GSTCD: variants seen among roughly 807,000 people sequenced by gnomAD.
GSTCD encodes the protein glutathione S-transferase C-terminal domain containing.
GSTCD carries 44 observed loss-of-function variants against 68.3 expected under a neutral mutation model. The ratio of observed to expected loss-of-function variants is 0.64; its 90% confidence interval spans 0.51 to 0.83. The LOEUF (loss-of-function observed/expected upper bound fraction) is 0.83, where lower values mean the gene tolerates loss of function less well. GSTCD is among the 40% of genes least tolerant of loss of function. The pLI, the probability that GSTCD is intolerant of heterozygous loss-of-function variation, is 0.00. For synonymous variants in GSTCD, 273 were observed against 255.2 expected (o/e 1.07, Z -0.67); for missense variants, 739 against 735.9 (o/e 1.00, Z -0.05).
intron 5 of GSTCD, among the ~76,000 whole-genome samples, chr4:105,758,034 A>G (rs1258455888): frequency 6.6e-6 from 1 of 152,200 alleles, no homozygotes; most frequent in Admixed American, 6.5e-5. Flanking sequence ...GAATTCAGCT[A>G]CTTCACATGG....
At chr4:105,832,643 A>T (rs1470677878) in intron 8 of GSTCD, among the ~76,000 whole-genome samples, 1 of 152,126 alleles carries the variant, frequency 6.6e-6, no homozygotes, top group African/African-American at 2.4e-5. Context: ...GCAAGTTCTT[A>T]ATTTCCCAAG....
intron 5 of GSTCD, among the ~76,000 whole-genome samples, chr4:105,804,362 G>A (rs1228168597): frequency 6.6e-6 from 1 of 151,996 alleles, no homozygotes; most frequent in African/African-American, 2.4e-5. Flanking sequence ...CTAAATTATA[G>A]TATGTCTTCT....
chr4:105,810,786 T>G (rs946744572), intron 5 of GSTCD, among the ~76,000 whole-genome samples: 2 of 152,148 alleles, frequency 1.3e-5, no homozygotes, highest in Non-Finnish European at 2.9e-5. Context: ...TGCCTTTTAT[T>G]CCTTTATGTT....
rs1235541386 is a variant in GSTCD at position 105,744,861 on chromosome 4, A to T, written c.1240+15362A>T. Reference sequence around the variant, plus strand: ...ACTGTTACAGCTTCTAGGTCATCTCAGTAGGGACCTGTATGTATAGATCTA... The same window carrying T: ...ACTGTTACAGCTTCTAGGTCATCTCTGTAGGGACCTGTATGTATAGATCTA... On this transcript the variant is annotated intron_variant, in intron 5 of 11. Transcript: ENST00000515279. Among the ~76,000 whole-genome samples, 3 of 139,256 alleles carry T rather than the reference A, an allele frequency of 2.2e-5. No individual in the cohort carries two copies. The South Asian group carries it at 8.5e-4, about 39-fold the overall frequency. The allele number at this position is 139,256 out of a possible 152,430, so 91.4% of individuals were successfully genotyped here.
intron 5 of GSTCD, among the ~76,000 whole-genome samples, chr4:105,788,042 TAC>T (rs1735530077): frequency 6.6e-6 from 1 of 152,092 alleles, no homozygotes; most frequent in Admixed American, 6.5e-5. Context: ...TTGCTTTTAG[TAC>T]AGAGTTGTGT....
chr4:105,757,836 A>G (rs973428605), intron 5 of GSTCD, among the ~76,000 whole-genome samples: 1 of 152,226 alleles, frequency 6.6e-6, no homozygotes, highest in Non-Finnish European at 1.5e-5. Flanking sequence ...TATGAAGGTT[A>G]TAGTCAAAAA....
chr4:105,765,558 A>C (rs1043379298), intron 5 of GSTCD, among the ~76,000 whole-genome samples: 1 of 152,220 alleles, frequency 6.6e-6, no homozygotes, highest in Admixed American at 6.5e-5. Context: ...TCCCATGAAA[A>C]TCAGGTGCAT....
At chr4:105,733,034 A>C (rs1398732534) in intron 5 of GSTCD, among the ~76,000 whole-genome samples, 1 of 152,180 alleles carries the variant, frequency 6.6e-6, no homozygotes, top group Non-Finnish European at 1.5e-5. Flanking sequence ...TTCTAGTTTG[A>C]TTGCACTGTG....
intron 5 of GSTCD, among the ~76,000 whole-genome samples, chr4:105,744,693 A>G (rs538355307): frequency 6.6e-6 from 1 of 152,330 alleles, no homozygotes; most frequent in African/African-American, 2.4e-5. Context: ...TTTCTGGCAT[A>G]ACAACATATT....
intron 5 of GSTCD, chr4:105,815,276 C>G (rs1448678090): frequency 1.3e-5 from 2 of 152,098 alleles, no homozygotes; most frequent in African/African-American, 4.8e-5. Context: ...TTTCTGTGTT[C>G]CAAGAGCAAC....
chr4:105,738,687 TC>T (rs1257603190), intron 5 of GSTCD, among the ~76,000 whole-genome samples: 12 of 152,168 alleles, frequency 7.9e-5, no homozygotes, highest in Non-Finnish European at 1.8e-4. Flanking sequence ...TGATTTTGTA[TC>T]CTGCAGTTTG....
chr4:105,811,843 GATAA>G (rs1316888433), intron 5 of GSTCD, among the ~76,000 whole-genome samples: 5 of 152,186 alleles, frequency 3.3e-5, no homozygotes, highest in Non-Finnish European at 1.5e-5. Context: ...TATTACAAGT[GATAA>G]ATAATTGTGA....
chr4:105,748,777 A>T (rs1184869469), intron 5 of GSTCD, among the ~76,000 whole-genome samples: 1 of 144,038 alleles, frequency 6.9e-6, no homozygotes, highest in Non-Finnish European at 1.5e-5. Context: ...AGAGCAAAAC[A>T]TGTGTTAAAT....
At chr4:105,843,335 GCTC>G (rs1365623606) in intron 11 of GSTCD, among the ~76,000 whole-genome samples, 1 of 152,046 alleles carries the variant, frequency 6.6e-6, no homozygotes, top group Non-Finnish European at 1.5e-5. Flanking sequence ...TTTCCTTCTT[GCTC>G]CTCCTTTTCC....
At chr4:105,755,320 G>A (rs1309778157) in intron 5 of GSTCD, among the ~76,000 whole-genome samples, 1 of 151,522 alleles carries the variant, frequency 6.6e-6, no homozygotes, top group Non-Finnish European at 1.5e-5. Context: ...AAAGAAGGAA[G>A]GGAGGGAGAG....
intron 5 of GSTCD, among the ~76,000 whole-genome samples, chr4:105,810,507 G>A (rs1359552037): frequency 6.6e-6 from 1 of 151,876 alleles, no homozygotes; most frequent in South Asian, 2.1e-4. Flanking sequence ...TTTTTTTACT[G>A]GGTATCCAGA....
chr4:105,709,914 AAC>A (rs1732462944), intron 1 of GSTCD, among the ~76,000 whole-genome samples: 1 of 152,232 alleles, frequency 6.6e-6, no homozygotes, highest in African/African-American at 2.4e-5. Flanking sequence ...AAACTGTTAT[AAC>A]ACAACTAAGT....
chr4:105,821,128 T>G (rs950204795), intron 5 of GSTCD: 1 of 151,872 alleles, frequency 6.6e-6, no homozygotes, highest in Non-Finnish European at 1.5e-5. Context: ...AGTACTCTTC[T>G]TTTTGCCTTC....
At chr4:105,825,100 ATTGGTTGGTTGGTTGG>A (rs35367925) in intron 7 of GSTCD, among the ~76,000 whole-genome samples, 3 of 149,698 alleles carry the variant, frequency 2.0e-5, no homozygotes, top group South Asian at 2.1e-4. Flanking sequence ...TGGTTGGTTG[ATTGGTTGGTTGGTTGG>A]TTGGTTGGTT....
Sources: allele counts gnomAD v4.1 joint callset (sites outside exome capture counted in the v4.1 genomes callset), GRCh38; gene constraint gnomAD v4.1.1; transcripts MANE v1.5; gene names NCBI Gene and HGNC (gene_info 2026-07-23, HGNC 2026-07-21).